Variants in ZNF664 observed in about 807,000 individuals in gnomAD.
ZNF664 encodes zinc finger Organ of Corti 1.
ZNF664 carries 10 observed loss-of-function variants against 18.2 expected under a neutral mutation model. The observed-to-expected ratio is 0.55, with a 90% CI of 0.34 to 0.93. The LOEUF (loss-of-function observed/expected upper bound fraction) is 0.93. ZNF664 is among the 40% of genes least tolerant of loss of function. The probability of loss-of-function intolerance (pLI) is 0.02; values close to 1 mark genes in which losing one functional copy is unlikely to be tolerated. For synonymous variants in ZNF664, 119 were observed against 104.2 expected (o/e 1.14, Z -0.86); for missense variants, 193 against 319.0 (o/e 0.61, Z 3.01).
intron 2 of ZNF664, among the ~76,000 whole-genome samples, chr12:123,986,902 C>T (rs1956831876): frequency 6.6e-6 from 1 of 152,194 alleles, no homozygotes; most frequent in Non-Finnish European, 1.5e-5. Context: ...ATCCTGCTAA[C>T]AGCTTTCATT....
chr12:123,989,137 T>C (rs192146359), intron 3 of ZNF664, among the ~76,000 whole-genome samples: 1 of 152,120 alleles, frequency 6.6e-6, no homozygotes, highest in African/African-American at 2.4e-5. Context: ...TCCTAGTGGG[T>C]CTAGTGACTG....
In ZNF664 at chr12:123,988,492, A is replaced by T. The variant is rs191026861; in HGVS notation, c.-661+354A>T. The stretch of plus-strand genomic sequence containing the variant: ...AGGCCTTACATGGATTCTAGATCTC[A>T]TGCCACCCTTTGTCTTTTTCTTCTG... On this transcript the variant is annotated intron_variant, in intron 3 of 4. Coordinates refer to ENST00000337815, the MANE Select transcript of ZNF664 (RefSeq NM_152437.3). Among the ~76,000 whole-genome samples, 65 of 152,132 alleles carry T rather than the reference A, an allele frequency of 4.3e-4. 1 individual carries two copies. The highest frequency in any genetic ancestry group is 3.4e-3 in the Middle Eastern group (1 of 294).
At chr12:123,997,025 A>AGAAGCAAAGAATAAAACT (rs1956956831) in intron 3 of ZNF664, among the ~76,000 whole-genome samples, 1 of 152,186 alleles carries the variant, frequency 6.6e-6, no homozygotes, top group Non-Finnish European at 1.5e-5. Flanking sequence ...CTTGGGAGAC[A>AGAAGCAAAGAATAAAACT]GAAGCAAAGA....
Position 123,999,991 on chromosome 12 carries a change from G to A in ZNF664, c.-660-11390G>A, listed in dbSNP as rs565302608. ...TGGTGGTCTATGATTCTGTTAGCATGTGAAGGTAGAGATTTGGATTGGGAT... is the reference window on the plus strand; with the variant it reads ...TGGTGGTCTATGATTCTGTTAGCATATGAAGGTAGAGATTTGGATTGGGAT... On this transcript the variant is annotated intron_variant, in intron 3 of 4. Coordinates refer to ENST00000337815, the MANE Select transcript of ZNF664 (RefSeq NM_152437.3). Among the ~76,000 whole-genome samples the A allele has an allele frequency of 2.2e-4, 33 of 152,358 alleles. 1 individual carries two copies. The South Asian group carries it at 6.8e-3, about 32-fold the overall frequency.
At chr12:123,994,374 A>G (rs887035224) in intron 3 of ZNF664, among the ~76,000 whole-genome samples, 3 of 152,232 alleles carry the variant, frequency 2.0e-5, no homozygotes, top group African/African-American at 4.8e-5. Flanking sequence ...TTTTATGAAG[A>G]TACTTACTAA....
At chr12:123,980,596 C>A (rs1271572973) in intron 2 of ZNF664, among the ~76,000 whole-genome samples, 4 of 152,026 alleles carry the variant, frequency 2.6e-5, no homozygotes, top group South Asian at 4.2e-4. Context: ...AATAACATTG[C>A]CATTAAAAAC....
At chr12:123,998,220 G>A (rs532984254) in intron 3 of ZNF664, among the ~76,000 whole-genome samples, 2 of 151,978 alleles carry the variant, frequency 1.3e-5, no homozygotes, top group Admixed American at 6.5e-5. Flanking sequence ...CCCACTCTTC[G>A]GCACCTGTGA....
rs116553881 is a variant in ZNF664 at position 123,989,072 on chromosome 12, C to T, written c.-661+934C>T. On this transcript the variant is annotated intron_variant, in intron 3 of 4. Coordinates refer to ENST00000337815, the MANE Select transcript of ZNF664 (RefSeq NM_152437.3). ...TTCTGCCTTCCCAGACTTCACTTTC[C>T]CATGCAACAAGGAGGATTGGCTGTG... Among the ~76,000 whole-genome samples the T allele has an allele frequency of 3.5e-3, 529 of 152,286 alleles. 3 individuals are homozygous for T. The highest frequency in any genetic ancestry group is 0.012 in the African/African-American group (504 of 41,548).
intron 3 of ZNF664, among the ~76,000 whole-genome samples, chr12:124,007,408 C>T (rs1038556528): frequency 7.2e-5 from 11 of 152,202 alleles, no homozygotes; most frequent in Non-Finnish European, 1.0e-4. Context: ...GAAGACACCC[C>T]TGCTGGGGTT....
chr12:124,012,742 A>G lies in ZNF664; in HGVS notation c.598A>G (p.Arg200Gly). ...QRVHTGEKPY[R>G]CCGCGKAFSQ... Reference sequence around the variant, plus strand: ...AGTCCACACTGGAGAGAAACCCTATAGATGTTGTGGATGTGGGAAGGCCTT... The same window carrying G: ...AGTCCACACTGGAGAGAAACCCTATGGATGTTGTGGATGTGGGAAGGCCTT... Residue 200 changes from arginine (R) to glycine (G), a missense_variant, in exon 5 of 5, where the codon AGA (arginine) becomes GGA (glycine). Arg to Gly is a moderately radical substitution (Grantham distance 125). This residue lies in a region of ZNF664 where 61 missense variants were observed against 153.7 expected (regional missense o/e 0.40). Transcript: ENST00000337815. 3.7e-6 allele frequency: 6 copies of G among 1,612,736 alleles called. No individual in the cohort carries two copies. Among genetic ancestry groups the G allele is most frequent in the Non-Finnish European group, 5.1e-6 (6 of 1,179,684 alleles).
At chr12:124,006,375 A>G (rs933226066) in intron 3 of ZNF664, 1 of 152,232 alleles carries the variant, frequency 6.6e-6, no homozygotes, top group African/African-American at 2.4e-5. Context: ...TGGTCTGAAC[A>G]GCCTTCAAGG....
chr12:124,003,928 G>T (rs1380065976), intron 3 of ZNF664, among the ~76,000 whole-genome samples: 1 of 152,224 alleles, frequency 6.6e-6, no homozygotes, highest in Non-Finnish European at 1.5e-5. Flanking sequence ...AGCCACTTGG[G>T]TGCGTGTATG....
intron 3 of ZNF664, among the ~76,000 whole-genome samples, chr12:124,001,486 G>A (rs1391480254): frequency 6.6e-6 from 1 of 152,174 alleles, no homozygotes; most frequent in Non-Finnish European, 1.5e-5. Context: ...TCTGTCCCGT[G>A]CTTGCCTCCT....
chr12:123,996,032 G>C lies in ZNF664; in HGVS notation c.-661+7894G>C, dbSNP rs1403909634. Among the ~76,000 whole-genome samples, 6 of 152,306 alleles carry C rather than the reference G, an allele frequency of 3.9e-5. No homozygotes were observed. In the East Asian group the frequency reaches 7.7e-4, roughly 20 times the overall value. On this transcript the variant is annotated intron_variant, in intron 3 of 4. Transcript: ENST00000337815. ...TTAGAGTGCAGTTAGGAAAGGGAAA[G>C]GAAAGCTCAGCAGGAAGGCTGACCT...
intron 2 of ZNF664, among the ~76,000 whole-genome samples, chr12:123,987,362 C>T (rs180920554): frequency 2.8e-4 from 42 of 152,260 alleles, no homozygotes; most frequent in Non-Finnish European, 5.6e-4. Context: ...CTTCTCTGAA[C>T]AATTATAGAA....
chr12:123,998,850 G>T (rs962121224), intron 3 of ZNF664: 1 of 152,536 alleles, frequency 6.6e-6, no homozygotes, highest in African/African-American at 2.4e-5. Flanking sequence ...CTCTGACCCT[G>T]TGCCTCAGAG....
chr12:124,012,874 A>G lies in ZNF664; in HGVS notation c.730A>G (p.Ile244Val). 6.2e-7 allele frequency: 1 copy of G among 1,614,220 alleles called. No individual in the cohort carries two copies. Among genetic ancestry groups the G allele is most frequent in the Non-Finnish European group, 8.5e-7 (1 of 1,180,036 alleles). ...KAFSQSTSLC[I>V]HQRVHTKERN... ...CTTCAGTCAGAGTACGAGCCTCTGCATCCACCAGAGAGTCCACACAAAGGA... is the reference window on the plus strand; with the variant it reads ...CTTCAGTCAGAGTACGAGCCTCTGCGTCCACCAGAGAGTCCACACAAAGGA... The change falls in exon 5 of 5, where the codon ATC becomes GTC. Residue 244 changes from isoleucine to valine, a missense_variant. Around this residue, in one of 3 missense-constraint regions of ZNF664, gnomAD observed 42 missense variants for 46.4 expected, o/e 0.91. Coordinates refer to ENST00000337815, the MANE Select transcript of ZNF664 (RefSeq NM_152437.3).
In ZNF664 at chr12:123,973,241, G is replaced by T; in HGVS notation, c.-1003G>T. On this transcript the variant is annotated 5_prime_UTR_variant, in exon 1 of 5. Transcript: ENST00000337815. ...CGCTGTCCCCCGGAGGCGTCTGGGT[G>T]TGCGGAGCGCGCGCGCGCGCGGCTC... 1.0e-6 allele frequency: 1 copy of T among 991,338 alleles called. No individual in the cohort carries two copies. Among genetic ancestry groups the T allele is most frequent in the Non-Finnish European group, 1.2e-6 (1 of 835,890 alleles). The allele number at this position is 991,338 out of a possible 1,614,324, so 61.4% of individuals were successfully genotyped here. A position where few individuals can be genotyped will look rare whatever the true frequency, so the allele number is the denominator to read the frequency against.
chr12:124,006,519 T>C (rs1957075663), intron 3 of ZNF664, among the ~76,000 whole-genome samples: 1 of 152,242 alleles, frequency 6.6e-6, no homozygotes, highest in South Asian at 2.1e-4. Context: ...TTTGACTTCC[T>C]TGAATCTTAG....
Sources: allele counts gnomAD v4.1 joint callset (sites outside exome capture counted in the v4.1 genomes callset), GRCh38; gene constraint gnomAD v4.1.1; regional missense constraint gnomAD v4.1.1; transcripts MANE v1.5; gene names NCBI Gene and HGNC (gene_info 2026-07-23, HGNC 2026-07-21).